The following PTP4A1 variants were observed in gnomAD, a reference collection of about 807,000 sequenced individuals.
PTP4A1 encodes the protein protein tyrosine phosphatase type IVA 1.
In PTP4A1, 9 loss-of-function variants were observed where a neutral mutation model predicts 20.5. That is an observed-to-expected ratio of 0.44 (90% confidence interval 0.26 to 0.77). The LOEUF (loss-of-function observed/expected upper bound fraction) is 0.77, where lower values mean the gene tolerates loss of function less well. Among genes scored for constraint, PTP4A1 ranks in the 30% least tolerant of loss-of-function variants. The pLI is 0.19. For missense variants in PTP4A1, 137 were observed against 218.8 expected (o/e 0.63, Z 2.36); for synonymous variants, 78 against 67.4 (o/e 1.16, Z -0.77).
At chr6:63,575,717 T>C (rs572246870) in intron 1 of PTP4A1, among the ~76,000 whole-genome samples, 1 of 152,322 alleles carries the variant, frequency 6.6e-6, no homozygotes, top group South Asian at 2.1e-4. Flanking sequence ...GAGAGTTGTT[T>C]CCTTTTTAGA....
In PTP4A1 at chr6:63,560,363, A is replaced by G. The variant is rs1776888465; in HGVS notation, c.-446+9870A>G. Among the ~76,000 whole-genome samples, 3 of 150,694 alleles carry G rather than the reference A, an allele frequency of 2.0e-5. No individual in the cohort carries two copies. The South Asian group carries it at 6.3e-4, about 31-fold the overall frequency. ...CAAAAAAAAAAAAAAAAAAAGAAAG[A>G]AAGAAAAGAAGTGAAAAGTAAAAAA... On this transcript the variant is annotated intron_variant, in intron 3 of 3. Coordinates refer to the PTP4A1 transcript ENST00000639568.
At chr6:63,534,485 A>G (rs1220335781) in intron 2 of PTP4A1, among the ~76,000 whole-genome samples, 2 of 149,552 alleles carry the variant, frequency 1.3e-5, no homozygotes, top group Non-Finnish European at 3.0e-5. Context: ...ACACACACAC[A>G]CCTCTAAAAC....
At chr6:63,555,754 C>T (rs968024543) in intron 3 of PTP4A1, among the ~76,000 whole-genome samples, 2 of 146,864 alleles carry the variant, frequency 1.4e-5, no homozygotes, top group African/African-American at 5.1e-5. Context: ...AGTGCAATGG[C>T]GTGATCCCGG....
At chr6:63,563,282 C>T (rs1204538860) in intron 3 of PTP4A1, among the ~76,000 whole-genome samples, 1 of 152,174 alleles carries the variant, frequency 6.6e-6, no homozygotes, top group African/African-American at 2.4e-5. Flanking sequence ...CTACAAGGTC[C>T]TACGTGATCC....
upstream of PTP4A1, among the ~76,000 whole-genome samples, chr6:63,517,833 G>GT (rs1361118252): frequency 3.9e-5 from 6 of 152,026 alleles, no homozygotes; most frequent in Non-Finnish European, 7.4e-5. Context: ...CAACCCAATA[G>GT]TTTTTAAAAG....
At chr6:63,541,045 G>T (rs1775950465) in intron 2 of PTP4A1, among the ~76,000 whole-genome samples, 1 of 147,688 alleles carries the variant, frequency 6.8e-6, no homozygotes, top group Admixed American at 6.9e-5. Flanking sequence ...AAGGAAGGAA[G>T]GAAGGAAGGA....
intron 5 of PTP4A1, among the ~76,000 whole-genome samples, 194 bp from the exon 6 acceptor site, chr6:63,579,863 T>A (rs568551448): frequency 6.6e-6 from 1 of 152,176 alleles, no homozygotes. Context: ...AACGAAGATA[T>A]AAAGAAAATT....
At chr6:63,539,734 A>C (rs1161749386) in intron 2 of PTP4A1, among the ~76,000 whole-genome samples, 2 of 151,614 alleles carry the variant, frequency 1.3e-5, no homozygotes, top group African/African-American at 2.4e-5. Context: ...GTACCACTGC[A>C]CTCTAGCCTG....
rs74556740 is a variant in PTP4A1 at position 63,525,036 on chromosome 6, A to T, written c.-905-2783A>T. 3.0e-3 allele frequency among the ~76,000 whole-genome samples: 457 copies of T among 152,316 alleles called. 2 individuals are homozygous for T. The highest frequency in any genetic ancestry group is 0.01 in the African/African-American group (432 of 41,568). On this transcript the variant is annotated intron_variant, in intron 1 of 3. Transcript: ENST00000639568. ...AGCCTTGTTCTAACTTGATTCAGGG[A>T]TTTAGCTTAGACAGACTAGAGCAGC...
upstream of PTP4A1, among the ~76,000 whole-genome samples, chr6:63,567,485 T>C (rs1373722702): frequency 6.6e-6 from 1 of 152,214 alleles, no homozygotes; most frequent in Non-Finnish European, 1.5e-5. Context: ...TCACGTTTTA[T>C]CAGTAGGTCT....
At chr6:63,545,664 T>C (rs552068279) in intron 2 of PTP4A1, among the ~76,000 whole-genome samples, 1 of 152,216 alleles carries the variant, frequency 6.6e-6, no homozygotes, top group Non-Finnish European at 1.5e-5. Flanking sequence ...GTACTTTTCC[T>C]GCCCCAGCCC....
intron 3 of PTP4A1, among the ~76,000 whole-genome samples, chr6:63,556,855 C>A (rs1384421338): frequency 1.3e-5 from 2 of 152,198 alleles, no homozygotes; most frequent in African/African-American, 4.8e-5. Flanking sequence ...ATCTGTAGCA[C>A]TTAGGTGATA....
upstream of PTP4A1, among the ~76,000 whole-genome samples, chr6:63,519,490 G>A (rs572313574): frequency 4.6e-5 from 7 of 152,268 alleles, no homozygotes; most frequent in Middle Eastern, 3.4e-3. Flanking sequence ...CCAGGTGAGG[G>A]AAATACTAAT....
intron 5 of PTP4A1, 90 bp from the exon 6 acceptor site, chr6:63,579,967 C>A: frequency 1.1e-6 from 1 of 912,488 alleles, no homozygotes; most frequent in Non-Finnish European, 1.7e-6. Flanking sequence ...GATAAATTGC[C>A]ACAAGAGAGG....
At chr6:63,519,342 C>T (rs1423598643), upstream of PTP4A1, among the ~76,000 whole-genome samples, 1 of 151,944 alleles carries the variant, frequency 6.6e-6, no homozygotes, top group African/African-American at 2.4e-5. Flanking sequence ...CATATCAGTT[C>T]AGTACAGTTT....
At chr6:63,553,377 A>G (rs554212315) in intron 3 of PTP4A1, among the ~76,000 whole-genome samples, 8 of 152,320 alleles carry the variant, frequency 5.3e-5, no homozygotes, top group African/African-American at 1.7e-4. Flanking sequence ...TTCACACACA[A>G]TTTTGGTCTC....
intron 2 of PTP4A1, among the ~76,000 whole-genome samples, chr6:63,543,435 A>G (rs1321216921): frequency 6.6e-6 from 1 of 152,240 alleles, no homozygotes; most frequent in African/African-American, 2.4e-5. Context: ...CTCCCACTAA[A>G]GTGTAAATTA....
chr6:63,579,156 G>T, intron 4 of PTP4A1, 101 bp from the exon 5 acceptor site: 1 of 1,379,920 alleles, frequency 7.2e-7, no homozygotes, highest in East Asian at 2.5e-5. Flanking sequence ...TAAATAGGAA[G>T]GGTGGTAGAT....
At chr6:63,579,230 T>G (rs577375249) in intron 4 of PTP4A1, 27 bp from the exon 5 acceptor site, 1 of 1,572,314 alleles carries the variant, frequency 6.4e-7, no homozygotes, top group Non-Finnish European at 8.7e-7. Context: ...TTGAAAAAAC[T>G]ATTTATCAAA....
Sources: allele counts gnomAD v4.1 joint callset (sites outside exome capture counted in the v4.1 genomes callset), GRCh38; gene constraint gnomAD v4.1.1; transcripts MANE v1.5; gene names NCBI Gene and HGNC (gene_info 2026-07-23, HGNC 2026-07-21).